CR1: variants seen among roughly 807,000 people sequenced by gnomAD.
CR1 encodes complement C3b/C4b receptor 1 (Knops blood group).
CR1 carries 116 observed loss-of-function variants against 187.3 expected under a neutral mutation model. The observed-to-expected ratio is 0.62, with a 90% CI of 0.53 to 0.72. The LOEUF is 0.72. Ranked by LOEUF, CR1 falls within the 30% of genes least tolerant of loss-of-function variation. The probability of loss-of-function intolerance (pLI) is 0.00; values close to 1 mark genes in which losing one functional copy is unlikely to be tolerated. For missense variants in CR1, 1,731 were observed against 2,110.7 expected, an observed-to-expected ratio of 0.82 and a Z score of 3.52; for synonymous variants, 576 against 747.1, an observed-to-expected ratio of 0.77 and a Z score of 3.73.
intron 3 of CR1, among the ~76,000 whole-genome samples, chr1:207,508,343 A>G (rs1179585416): frequency 1.3e-5 from 2 of 152,206 alleles, no homozygotes; most frequent in African/African-American, 4.8e-5. Flanking sequence ...CGAAAAACGT[A>G]CCACCCTGGT....
rs775302892 is a variant in CR1 at position 207,575,580 on chromosome 1, AT to A, written c.4452-9del. The A allele has an allele frequency of 6.2e-7, 1 of 1,611,796 alleles. No homozygotes were observed. The highest frequency in any genetic ancestry group is 8.5e-7 in the Non-Finnish European group (1 of 1,179,706). ...GGTATGTACAGGACAATGATTTTCC[AT>A]TTTTTGCCTTTAGGCACCGACTCAT... is the stretch of plus-strand genomic sequence containing the variant. On this transcript the variant is annotated splice_polypyrimidine_tract_variant and intron_variant, in intron 27 of 46. Transcript: ENST00000367049.
At chr1:207,497,600 G>T (rs1572979257) in intron 1 of CR1, among the ~76,000 whole-genome samples, 1 of 152,182 alleles carries the variant, frequency 6.6e-6, no homozygotes, top group Non-Finnish European at 1.5e-5. Context: ...AACCTGTCAG[G>T]TGCAGAGATG....
chr1:207,589,882 A>G (rs1306481864), intron 35 of CR1, among the ~76,000 whole-genome samples: 1 of 152,252 alleles, frequency 6.6e-6, no homozygotes, highest in Non-Finnish European at 1.5e-5. Context: ...TTGAAGATCA[A>G]CTTAATGAAA....
rs1285786142 is a variant in CR1, at chr1:207,641,693, G to A, written c.*2284G>A. ...CTTAAGTGTGTACTATGAAGTTTATGATGCTTTAATGAAATTTTCTGTCTC... is the reference window on the plus strand; with the variant it reads ...CTTAAGTGTGTACTATGAAGTTTATAATGCTTTAATGAAATTTTCTGTCTC... On this transcript the variant is annotated 3_prime_UTR_variant, in exon 47 of 47. Coordinates refer to ENST00000367049, the MANE Select transcript of CR1 (RefSeq NM_000651.6). 1 of 152,130 alleles carries A rather than the reference G, an allele frequency of 6.6e-6. No homozygotes were observed. The highest frequency in any genetic ancestry group is 1.9e-4 in the East Asian group (1 of 5,202). 9.4% of individuals were successfully genotyped at this position (152,130 alleles called of 1,614,324 possible).
In CR1 at chr1:207,610,647, T is replaced by C. The variant is rs553839099; in HGVS notation, c.6295+959T>C. On this transcript the variant is annotated intron_variant, in intron 37 of 46. Coordinates refer to ENST00000367049, the MANE Select transcript of CR1 (RefSeq NM_000651.6). ...ATGCCTAGTTTCAAATGCATTCTGA[T>C]GCCCTGAGAACACACCAATTGTCCT... Among the ~76,000 whole-genome samples, 6 of 152,298 alleles carry C rather than the reference T, an allele frequency of 3.9e-5. No homozygotes were observed. In the East Asian group the frequency reaches 1.2e-3, roughly 29 times the overall value.
chr1:207,638,669 C>T (rs190448888), intron 46 of CR1, among the ~76,000 whole-genome samples: 14 of 152,290 alleles, frequency 9.2e-5, no homozygotes, highest in Middle Eastern at 3.4e-3. Context: ...GTAATAATTG[C>T]GCAATCCTGT....
intron 4 of CR1, among the ~76,000 whole-genome samples, chr1:207,514,054 A>G (rs541396623): frequency 6.4e-4 from 98 of 152,264 alleles, no homozygotes; most frequent in Middle Eastern, 3.4e-3. Context: ...GTTGAAGTTT[A>G]TCAAACACTT....
At chr1:207,596,176 C>T (rs1288486318) in intron 35 of CR1, among the ~76,000 whole-genome samples, 1 of 151,550 alleles carries the variant, frequency 6.6e-6, no homozygotes, top group African/African-American at 2.4e-5. Context: ...AGCTAGCAAG[C>T]TTTCTGTCTC....
At position 207,523,597 on chromosome 1, in the gene CR1, C is replaced by T. The variant is rs779419656; in HGVS notation, c.488-14C>T. On this transcript the variant is annotated splice_polypyrimidine_tract_variant and intron_variant, in intron 4 of 46. Transcript: ENST00000367049. The stretch of plus-strand genomic sequence containing the variant: ...TAAACTGACTGTTATTTATCCTGCT[C>T]TTCCTTTTTCCAGGAATTCCTTGTG... 4.3e-6 allele frequency: 7 copies of T among 1,613,868 alleles called. No homozygotes were observed. Among genetic ancestry groups the T allele is most frequent in the Middle Eastern group, 1.7e-4 (1 of 5,958 alleles).
In CR1 at chr1:207,575,193, A is replaced by G. The variant is rs188378339; in HGVS notation, c.4452-402A>G. Among the ~76,000 whole-genome samples, 233 of 123,626 alleles carry G rather than the reference A, an allele frequency of 1.9e-3. 1 individual carries two copies. Among genetic ancestry groups the G allele is most frequent in the African/African-American group, 5.9e-3 (181 of 30,482 alleles). The allele number at this position is 123,626 out of a possible 152,430, so 81.1% of individuals were successfully genotyped here. On this transcript the variant is annotated intron_variant, in intron 27 of 46. Transcript: ENST00000367049. ...AAAAACATGTCTCAAGTAAAATGACATAGTATTATACACACACACACACAC... is the reference window on the plus strand; with the variant it reads ...AAAAACATGTCTCAAGTAAAATGACGTAGTATTATACACACACACACACAC...
In CR1 at chr1:207,588,655, A is replaced by G. The variant is rs2102354790; in HGVS notation, c.5711-20A>G. On this transcript the variant is annotated intron_variant, in intron 34 of 46. Transcript: ENST00000367049. ...AAGTTGAACTCTATATTTAATCCCAAATTCTGCTTCTTCCCCTAGGAAAAT... is the reference window on the plus strand; with the variant it reads ...AAGTTGAACTCTATATTTAATCCCAGATTCTGCTTCTTCCCCTAGGAAAAT... 1.3e-6 allele frequency: 2 copies of G among 1,563,628 alleles called. No homozygotes were observed. Among genetic ancestry groups the G allele is most frequent in the African/African-American group, 1.4e-5 (1 of 73,966 alleles).
At chr1:207,614,048 T>A (rs769013592) in intron 39 of CR1, among the ~76,000 whole-genome samples, 13 of 152,206 alleles carry the variant, frequency 8.5e-5, no homozygotes, top group Admixed American at 6.5e-5. Flanking sequence ...CAGTGAAAGA[T>A]GACACCTGAA....
chr1:207,574,720 A>G lies in CR1; in HGVS notation c.4452-875A>G, dbSNP rs540898426. On this transcript the variant is annotated intron_variant, in intron 27 of 46. Transcript: ENST00000367049. ...TACAGAAAAGATGAGTAGACTGACTATATAGAGTTTGACTCTAAAATTGAG... is the reference window on the plus strand; with the variant it reads ...TACAGAAAAGATGAGTAGACTGACTGTATAGAGTTTGACTCTAAAATTGAG... 4.5e-4 allele frequency among the ~76,000 whole-genome samples: 69 copies of G among 152,360 alleles called. No homozygotes were observed. The South Asian group carries it at 0.014, about 32-fold the overall frequency.
In CR1 at chr1:207,523,733, G is replaced by C. The variant is rs1660069590; in HGVS notation, c.610G>C (p.Val204Leu). Residue 204 changes from valine to leucine, a missense_variant, in exon 5 of 47, where the codon GTG becomes CTG. Physicochemically the swap from Val to Leu is conservative, Grantham distance 32. This residue lies in a region of CR1 where 131 missense variants were observed against 196.8 expected (regional missense o/e 0.67). Coordinates refer to ENST00000367049, the MANE Select transcript of CR1 (RefSeq NM_000651.6). The stretch of plus-strand genomic sequence containing the variant: ...CAATCCTGGAAGCGGAGGGAGAAAG[G>C]TGTTTGAGCTTGTGGGTGAGCCCTC... ...RCNPGSGGRK[V>L]FELVGEPSIY... 1.9e-6 allele frequency: 3 copies of C among 1,612,564 alleles called. No individual in the cohort carries two copies. Among genetic ancestry groups the C allele is most frequent in the Non-Finnish European group, 2.5e-6 (3 of 1,179,858 alleles).
In CR1 at chr1:207,577,987, A is replaced by G. The variant is rs1175086359; in HGVS notation, c.4720A>G (p.Ile1574Val). Residue 1574 changes from isoleucine to valine, a missense_variant, in exon 29 of 47, where the codon ATC becomes GTC. This residue lies in a region of CR1 where 1,312 missense variants were observed against 1,379.6 expected (regional missense o/e 0.95). Transcript: ENST00000367049. Reference protein sequence around the residue: ...YCTSNDDQVGIWSGPAPQCII... With the variant: ...YCTSNDDQVGVWSGPAPQCII... ...CACCAGCAATGACGATCAAGTGGGC[A>G]TCTGGAGCGGCCCCGCCCCTCAGTG... 6.2e-7 allele frequency: 1 copy of G among 1,611,844 alleles called. No homozygotes were observed. Among genetic ancestry groups the G allele is most frequent in the East Asian group, 2.2e-5 (1 of 44,876 alleles).
At chr1:207,507,870 T>G (rs1302492098) in intron 3 of CR1, among the ~76,000 whole-genome samples, 1 of 151,974 alleles carries the variant, frequency 6.6e-6, no homozygotes, top group African/African-American at 2.4e-5. Flanking sequence ...TTGCCAAAAC[T>G]TGGAAGCAAT....
At chr1:207,516,572 T>C (rs1378534019) in intron 4 of CR1, among the ~76,000 whole-genome samples, 2 of 152,216 alleles carry the variant, frequency 1.3e-5, no homozygotes, top group Admixed American at 6.5e-5. Flanking sequence ...GTTGACTCAG[T>C]AGATCAATTT....
Position 207,578,295 on chromosome 1 carries a change from T to C in CR1, c.4936+92T>C, listed in dbSNP as rs116178033. 4,106 of 1,604,478 alleles carry C rather than the reference T, an allele frequency of 2.6e-3. 88 individuals are homozygous for C. In the African/African-American group the frequency reaches 0.049, roughly 19 times the overall value. On this transcript the variant is annotated intron_variant, in intron 29 of 46. Transcript: ENST00000367049. ...GTATTTGTTAAGGGGGAGGTATGTA[T>C]GGTGAGGAGGGTGGGAAAGTAAGTT...
At chr1:207,511,688 C>T (rs755304163) in intron 4 of CR1, 34 bp downstream of exon 4, 20 of 1,581,146 alleles carry the variant, frequency 1.3e-5, no homozygotes, top group African/African-American at 6.8e-5. Context: ...TTTCTTTTAC[C>T]GACACATTCT....
Sources: gnomAD v4.1 joint callset for allele counts (sites outside exome capture counted in the v4.1 genomes callset) on GRCh38, gnomAD v4.1.1 for gene constraint, gnomAD v4.1.1 regional missense constraint, MANE v1.5 for transcripts, NCBI Gene and HGNC (gene_info 2026-07-23, HGNC 2026-07-21) for gene names.